The following CBLL1 variants were observed in gnomAD, a reference collection of about 807,000 sequenced individuals.
The protein encoded by CBLL1 is Cbl proto-oncogene like 1, also known as E3 ubiquitin-protein ligase Hakai.
In CBLL1, 4 loss-of-function variants were observed where a neutral mutation model predicts 44.9. The observed-to-expected ratio is 0.09, with a 90% CI of 0.04 to 0.20. The LOEUF (loss-of-function observed/expected upper bound fraction) is 0.20. Ranked by LOEUF, CBLL1 falls within the 10% of genes least tolerant of loss-of-function variation. The pLI, the probability that CBLL1 is intolerant of heterozygous loss-of-function variation, is 1.00. For synonymous variants in CBLL1, 235 were observed against 202.2 expected (o/e 1.16, Z -1.38); for missense variants, 569 against 636.7 (o/e 0.89, Z 1.14).
At position 107,753,493 on chromosome 7, in the gene CBLL1, C is replaced by G. The variant is rs762644254; in HGVS notation, c.264C>G (p.His88Gln). The change falls in exon 3 of 6, where the codon CAC becomes CAG. Residue 88 changes from histidine to glutamine, a missense_variant. Transcript: ENST00000440859. The part of the protein sequence containing the change: ...LFANQRRFPG[H>Q]LFWDFQINIL... ...CAAATCAGCGAAGATTTCCTGGACA[C>G]CTTTTTTGGGACTTTCAGGTATAAT... 6.3e-7 allele frequency: 1 copy of G among 1,577,614 alleles called. No homozygotes were observed. Among genetic ancestry groups the G allele is most frequent in the Middle Eastern group, 1.7e-4 (1 of 5,954 alleles).
chr7:107,750,440 G>A (rs1440851956), intron 2 of CBLL1, among the ~76,000 whole-genome samples: 3 of 151,956 alleles, frequency 2.0e-5, no homozygotes, highest in Admixed American at 6.6e-5. Context: ...CGAGTAGCTG[G>A]GACTACAGGT....
chr7:107,750,260 ATTC>A (rs1793225497), intron 2 of CBLL1, among the ~76,000 whole-genome samples: 1 of 151,738 alleles, frequency 6.6e-6, no homozygotes, highest in Non-Finnish European at 1.5e-5. Flanking sequence ...TATTGTATAT[ATTC>A]TTCATTTGTC....
At position 107,759,359 on chromosome 7, in the gene CBLL1, T is replaced by C; in HGVS notation, c.*181T>C. 1 of 554,668 alleles carries C rather than the reference T, an allele frequency of 1.8e-6. No individual in the cohort carries two copies. The highest frequency in any genetic ancestry group is 2.8e-5 in the South Asian group (1 of 35,282). The allele number at this position is 554,668 out of a possible 1,614,324, so 34.4% of individuals were successfully genotyped here. The stretch of plus-strand genomic sequence containing the variant: ...TTAAGATTGATTTCAAGTACCATAC[T>C]GTAGTACAGATAAGTGGCTCAGTTG... On this transcript the variant is annotated 3_prime_UTR_variant, in exon 6 of 6. Transcript: ENST00000440859.
chr7:107,744,191 G>A lies in CBLL1; in HGVS notation c.13+15G>A, dbSNP rs1792875394. 1 of 1,547,716 alleles carries A rather than the reference G, an allele frequency of 6.5e-7. No individual in the cohort carries two copies. The highest frequency in any genetic ancestry group is 8.7e-7 in the Non-Finnish European group (1 of 1,145,056). ...GGATCACACTGGTAAGGAGGCGGAG[G>A]CAGTGGGGGTCCCGGTTCCAAGCCC... On this transcript the variant is annotated intron_variant, in intron 1 of 5. Transcript: ENST00000440859.
At position 107,759,070 on chromosome 7, in the gene CBLL1, A is replaced by G; in HGVS notation, c.1368A>G (p.Ala456=). 1 of 1,613,938 alleles carries G rather than the reference A, an allele frequency of 6.2e-7. No homozygotes were observed. Among genetic ancestry groups the G allele is most frequent in the Non-Finnish European group, 8.5e-7 (1 of 1,179,940 alleles). ...PGGMSPGIWP[A]PRGPPPPPRL... ...GAATGAGTCCTGGTATATGGCCTGCACCAAGAGGGCCACCACCACCTCCAC... is the reference window on the plus strand; with the variant it reads ...GAATGAGTCCTGGTATATGGCCTGCGCCAAGAGGGCCACCACCACCTCCAC... The change falls in exon 6 of 6, where the codon GCA becomes GCG. Residue 456 remains alanine (A), a synonymous_variant. Coordinates refer to ENST00000440859, the MANE Select transcript of CBLL1 (RefSeq NM_024814.4).
chr7:107,750,430 C>T (rs78400305), intron 2 of CBLL1, among the ~76,000 whole-genome samples: 35,128 of 151,380 alleles, frequency 0.23, 4,726 homozygotes, highest in South Asian at 0.44. Flanking sequence ...CTCAGCCTCC[C>T]GAGTAGCTGG....
chr7:107,750,495 G>A (rs1410257187), intron 2 of CBLL1, among the ~76,000 whole-genome samples: 2 of 151,882 alleles, frequency 1.3e-5, no homozygotes, highest in African/African-American at 4.8e-5. Flanking sequence ...TAGTGGAGAC[G>A]GGGTTTCACT....
Position 107,758,005 on chromosome 7 carries a change from A to G in CBLL1, c.441-138A>G, listed in dbSNP as rs1793605022. 2 of 785,092 alleles carry G rather than the reference A, an allele frequency of 2.5e-6. No homozygotes were observed. Among genetic ancestry groups the G allele is most frequent in the South Asian group, 1.9e-5 (1 of 51,626 alleles). The allele number at this position is 785,092 out of a possible 1,614,324, so 48.6% of individuals were successfully genotyped here. A position where few individuals can be genotyped will look rare whatever the true frequency, so the allele number is the denominator to read the frequency against. ...AGGGAAGATTAAAGGTTTGCGTAGAATAACTGTAACTTCTAATTGTGGACT... is the reference window on the plus strand; with the variant it reads ...AGGGAAGATTAAAGGTTTGCGTAGAGTAACTGTAACTTCTAATTGTGGACT... On this transcript the variant is annotated intron_variant, in intron 5 of 5. Coordinates refer to ENST00000440859, the MANE Select transcript of CBLL1 (RefSeq NM_024814.4). The surrounding 1 kb of genome is among the most constrained non-coding windows in gnomAD (Gnocchi z 4.2).
Position 107,760,839 on chromosome 7 carries a change from G to A in CBLL1, c.*1661G>A, listed in dbSNP as rs1234183844. 6.6e-6 allele frequency: 1 copy of A among 152,126 alleles called. No homozygotes were observed. Among genetic ancestry groups the A allele is most frequent in the African/African-American group, 2.4e-5 (1 of 41,428 alleles). 9.4% of individuals were successfully genotyped at this position (152,126 alleles called of 1,614,324 possible). ...TGCAAAATCATTTCTGAACCCTAGA[G>A]CAGAAGTTAGAAATAACAAAATGGC... On this transcript the variant is annotated 3_prime_UTR_variant, in exon 6 of 6. Coordinates refer to ENST00000440859, the MANE Select transcript of CBLL1 (RefSeq NM_024814.4).
chr7:107,744,219 T>A, intron 1 of CBLL1, 43 bp downstream of exon 1: 4 of 1,532,646 alleles, frequency 2.6e-6, no homozygotes, highest in Non-Finnish European at 3.5e-6. Context: ...CCAAGCCCCC[T>A]TGGCCGGCCT....
At position 107,758,458 on chromosome 7, in the gene CBLL1, C is replaced by T; in HGVS notation, c.756C>T (p.His252=). ...PPPLQHVPHE[H]YNQPHEDIRA... ...CTTTGCAACATGTGCCACATGAGCACTATAATCAGCCACATGAGGATATTC... is the reference window on the plus strand; with the variant it reads ...CTTTGCAACATGTGCCACATGAGCATTATAATCAGCCACATGAGGATATTC... The change falls in exon 6 of 6, where the codon CAC becomes CAT. Residue 252 remains histidine, a synonymous_variant. Coordinates refer to ENST00000440859, the MANE Select transcript of CBLL1 (RefSeq NM_024814.4). The surrounding 1 kb of genome is among the most constrained non-coding windows in gnomAD (Gnocchi z 4.2). 6.2e-7 allele frequency: 1 copy of T among 1,614,132 alleles called. No individual in the cohort carries two copies. Among genetic ancestry groups the T allele is most frequent in the East Asian group, 2.2e-5 (1 of 44,886 alleles).
Position 107,759,096 on chromosome 7 carries a change from G to A in CBLL1, c.1394G>A (p.Arg465Gln), listed in dbSNP as rs777342820. Reference protein sequence around the residue: ...PAPRGPPPPPRLQGPPSQTPL... With the variant: ...PAPRGPPPPPQLQGPPSQTPL... ...CCAAGAGGGCCACCACCACCTCCACGATTGCAGGGTCCGCCTTCTCAAACC... is the reference window on the plus strand; with the variant it reads ...CCAAGAGGGCCACCACCACCTCCACAATTGCAGGGTCCGCCTTCTCAAACC... The change falls in exon 6 of 6, where the codon CGA (arginine) becomes CAA (glutamine). Residue 465 changes from arginine to glutamine, a missense_variant. Physicochemically the swap from Arg to Gln is conservative, Grantham distance 43 (BLOSUM62 1). This residue lies in a region of CBLL1 where 228 missense variants were observed against 253.2 expected (regional missense o/e 0.90). Coordinates refer to ENST00000440859, the MANE Select transcript of CBLL1 (RefSeq NM_024814.4). The A allele has an allele frequency of 4.3e-6, 7 of 1,613,994 alleles. No homozygotes were observed. The highest frequency in any genetic ancestry group is 2.2e-5 in the South Asian group (2 of 91,072).
intron 4 of CBLL1, among the ~76,000 whole-genome samples, chr7:107,754,797 A>AT (rs1242462801): frequency 6.6e-6 from 1 of 152,098 alleles, no homozygotes; most frequent in East Asian, 1.9e-4. Flanking sequence ...TAAAAAAAAA[A>AT]CACACATAAT....
chr7:107,746,266 T>A (rs1484208620), intron 1 of CBLL1, among the ~76,000 whole-genome samples: 1 of 152,234 alleles, frequency 6.6e-6, no homozygotes, highest in African/African-American at 2.4e-5. Context: ...GAGTGTTTAT[T>A]ATCTTAATTC....
At position 107,758,474 on chromosome 7, in the gene CBLL1, G is replaced by A; in HGVS notation, c.772G>A (p.Glu258Lys). 1 of 1,614,100 alleles carries A rather than the reference G, an allele frequency of 6.2e-7. No individual in the cohort carries two copies. The highest frequency in any genetic ancestry group is 8.5e-7 in the Non-Finnish European group (1 of 1,180,010). Residue 258 changes from glutamate (E) to lysine (K), a missense_variant, in exon 6 of 6, where the codon GAG (glutamate) becomes AAG (lysine). By Grantham distance (56) the Glu-to-Lys change is moderately conservative. Around this residue, in one of 5 missense-constraint regions of CBLL1, gnomAD observed 111 missense variants for 113.0 expected, o/e 0.98. Transcript: ENST00000440859. This position sits in a 1 kb window ranked among gnomAD's most constrained non-coding sequence, Gnocchi z 4.2. ...ACATGAGCACTATAATCAGCCACAT[G>A]AGGATATTCGTGCTCCTCCAGCAGA... ...VPHEHYNQPH[E>K]DIRAPPAELS...
In CBLL1 at chr7:107,758,027, G is replaced by T; in HGVS notation, c.441-116G>T. On this transcript the variant is annotated intron_variant, in intron 5 of 5. Coordinates refer to ENST00000440859, the MANE Select transcript of CBLL1 (RefSeq NM_024814.4). The surrounding 1 kb of genome is among the most constrained non-coding windows in gnomAD (Gnocchi z 4.2). ...AGAATAACTGTAACTTCTAATTGTG[G>T]ACTTTTGCTATGTTTTATGTAACAG... The T allele has an allele frequency of 2.2e-6, 2 of 909,082 alleles. No individual in the cohort carries two copies. The highest frequency in any genetic ancestry group is 3.2e-6 in the Non-Finnish European group (2 of 615,552). The allele number at this position is 909,082 out of a possible 1,614,324, so 56.3% of individuals were successfully genotyped here.
chr7:107,752,580 C>G (rs1448255787), intron 2 of CBLL1: 3 of 1,289,248 alleles, frequency 2.3e-6, no homozygotes, highest in Admixed American at 2.3e-5. Context: ...AGCCTGGCTC[C>G]TTGGAGGGAT....
In CBLL1 at chr7:107,761,548, T is replaced by C. The variant is rs1339883769; in HGVS notation, c.*2370T>C. ...TCCCAGCCTTATTTCAGGGAAGCCT[T>C]TGAAGCTATGATGGACATAAGTCTA... On this transcript the variant is annotated 3_prime_UTR_variant, in exon 6 of 6. Coordinates refer to ENST00000440859, the MANE Select transcript of CBLL1 (RefSeq NM_024814.4). The C allele has an allele frequency of 6.6e-6, 1 of 152,150 alleles. No homozygotes were observed. The highest frequency in any genetic ancestry group is 1.5e-5 in the Non-Finnish European group (1 of 67,858). The allele number at this position is 152,150 out of a possible 1,614,324, so 9.4% of individuals were successfully genotyped here.
chr7:107,754,273 T>A (rs1386862031), intron 4 of CBLL1: 1 of 172,636 alleles, frequency 5.8e-6, no homozygotes, highest in Admixed American at 6.3e-5. Context: ...TAAGGAAATT[T>A]TTGTTTCTTA....
Sources: gnomAD v4.1 joint callset for allele counts (sites outside exome capture counted in the v4.1 genomes callset) on GRCh38, gnomAD v4.1.1 for gene constraint, gnomAD v4.1.1 regional missense constraint, Gnocchi (gnomAD v3.1) non-coding constraint, MANE v1.5 for transcripts, NCBI Gene and HGNC (gene_info 2026-07-23, HGNC 2026-07-21) for gene names.